EIF4G3: variants seen among roughly 807,000 people sequenced by gnomAD.
EIF4G3 encodes eukaryotic translation initiation factor 4 gamma 3.
EIF4G3 carries 34 observed loss-of-function variants against 186.4 expected under a neutral mutation model. That is an observed-to-expected ratio of 0.18 (90% confidence interval 0.14 to 0.24). EIF4G3 has a LOEUF of 0.24. Among genes scored for constraint, EIF4G3 ranks in the 10% least tolerant of loss-of-function variants. The pLI, the probability that EIF4G3 is intolerant of heterozygous loss-of-function variation, is 1.00. For missense variants in EIF4G3, 1,536 were observed against 1,948.5 expected (o/e 0.79, Z 3.99); for synonymous variants, 673 against 679.5 (o/e 0.99, Z 0.15).
chr1:20,986,930 C>A (rs2079695854), intron 7 of EIF4G3, among the ~76,000 whole-genome samples: 1 of 152,128 alleles, frequency 6.6e-6, no homozygotes, highest in African/African-American at 2.4e-5. Flanking sequence ...ATTATTAATA[C>A]ACCAGAAGGA....
At chr1:21,032,122 G>A (rs1342521124) in intron 4 of EIF4G3, among the ~76,000 whole-genome samples, 2 of 152,042 alleles carry the variant, frequency 1.3e-5, no homozygotes, top group African/African-American at 4.8e-5. Flanking sequence ...AAACCTCCAT[G>A]GACTTCATCT....
intron 4 of EIF4G3, among the ~76,000 whole-genome samples, chr1:21,042,159 G>C (rs1319749936): frequency 6.6e-6 from 1 of 152,026 alleles, no homozygotes; most frequent in Non-Finnish European, 1.5e-5. Context: ...GCTAATTTTT[G>C]TAGAGATGGG....
intron 34 of EIF4G3, among the ~76,000 whole-genome samples, chr1:20,813,989 C>T (rs1350207532): frequency 7.7e-6 from 1 of 129,750 alleles, no homozygotes; most frequent in African/African-American, 3.0e-5. Flanking sequence ...CACTGTCACC[C>T]GGGCTGGAGT....
At chr1:21,053,093 G>A (rs888230909) in intron 3 of EIF4G3, among the ~76,000 whole-genome samples, 2 of 151,540 alleles carry the variant, frequency 1.3e-5, no homozygotes, top group African/African-American at 4.9e-5. Context: ...TCTGGAAAGT[G>A]AGGAGCGTCT....
intron 7 of EIF4G3, among the ~76,000 whole-genome samples, chr1:20,990,029 T>C (rs983950612): frequency 1.3e-5 from 2 of 152,054 alleles, no homozygotes; most frequent in East Asian, 2.0e-4. Flanking sequence ...ATACAAAAAA[T>C]TAGCCAGATG....
chr1:20,911,547 T>G (rs1228763743), intron 14 of EIF4G3, among the ~76,000 whole-genome samples: 1 of 104,972 alleles, frequency 9.5e-6, no homozygotes, highest in Non-Finnish European at 1.7e-5. Context: ...GGTAACAGAC[T>G]GAGACCCTGC....
chr1:21,174,336 A>G (rs1476443890), intron 2 of EIF4G3, among the ~76,000 whole-genome samples: 1 of 152,230 alleles, frequency 6.6e-6, no homozygotes, highest in Non-Finnish European at 1.5e-5. Context: ...AAATGCACTG[A>G]GAAAAAGCAT....
At chr1:20,883,782 A>G (rs1336079693) in intron 19 of EIF4G3, among the ~76,000 whole-genome samples, 1 of 152,192 alleles carries the variant, frequency 6.6e-6, no homozygotes, top group Non-Finnish European at 1.5e-5. Context: ...GCTAATTGAG[A>G]GAACAAGCTG....
intron 3 of EIF4G3, among the ~76,000 whole-genome samples, chr1:21,081,326 G>A (rs750857659): frequency 2.6e-5 from 4 of 152,140 alleles, no homozygotes; most frequent in South Asian, 2.1e-4. Flanking sequence ...CCAGCTACTC[G>A]GGAAGCTGAG....
At chr1:21,060,782 G>GAAAAAAAAAAAAAAAAAA in intron 3 of EIF4G3, among the ~76,000 whole-genome samples, 1 of 117,352 alleles carries the variant, frequency 8.5e-6, no homozygotes, top group Non-Finnish European at 1.7e-5. Context: ...TGTCTCTTAA[G>GAAAAAAAAAAAAAAAAAA]AAAAAAAAAA....
At chr1:20,847,989 G>C (rs1052192528) in intron 29 of EIF4G3, 3 of 374,382 alleles carry the variant, frequency 8.0e-6, no homozygotes, top group African/African-American at 6.4e-5. Context: ...GTTTGTTTGA[G>C]ACAGTCTCAC....
chr1:20,995,480 G>T (rs556691335), intron 7 of EIF4G3, among the ~76,000 whole-genome samples: 1 of 151,752 alleles, frequency 6.6e-6, no homozygotes, highest in African/African-American at 2.4e-5. Flanking sequence ...TCAAGTGATC[G>T]CTTGCCTCAG....
intron 22 of EIF4G3, among the ~76,000 whole-genome samples, chr1:20,863,378 TAAA>T (rs3051243): frequency 2.1e-4 from 22 of 102,492 alleles, no homozygotes; most frequent in African/African-American, 9.0e-4. Flanking sequence ...CTACAAAAAG[TAAA>T]AAAAAAAAAA....
At chr1:21,089,309 T>C in intron 2 of EIF4G3, 96 bp from the exon 3 acceptor site, 1 of 675,142 alleles carries the variant, frequency 1.5e-6, no homozygotes, top group South Asian at 1.6e-5. Context: ...ACCTAAGCAT[T>C]TTCACCCAAT....
At chr1:20,821,256 A>G (rs1335402255) in intron 33 of EIF4G3, among the ~76,000 whole-genome samples, 1 of 152,080 alleles carries the variant, frequency 6.6e-6, no homozygotes, top group African/African-American at 2.4e-5. Context: ...CACAACCCCA[A>G]TCCTTGGAAA....
At chr1:20,934,964 C>T (rs1398871249) in intron 14 of EIF4G3, among the ~76,000 whole-genome samples, 1 of 152,142 alleles carries the variant, frequency 6.6e-6, no homozygotes, top group African/African-American at 2.4e-5. Flanking sequence ...CTTCCTAATA[C>T]ATCACTAGGG....
intron 12 of EIF4G3, among the ~76,000 whole-genome samples, chr1:20,966,694 G>C (rs948620279): frequency 2.6e-5 from 4 of 151,898 alleles, no homozygotes; most frequent in South Asian, 2.1e-4. Flanking sequence ...GGGTGGTTTC[G>C]AACTTCTGAC....
At chr1:21,068,391 A>AAAAACAAAAAAC (rs2095333980) in intron 3 of EIF4G3, among the ~76,000 whole-genome samples, 1 of 149,094 alleles carries the variant, frequency 6.7e-6, no homozygotes, top group Non-Finnish European at 1.5e-5. Context: ...AAAAAAAAAA[A>AAAAACAAAAAAC]AAAAAAAAAC....
chr1:21,083,471 C>T (rs114157923), intron 3 of EIF4G3, among the ~76,000 whole-genome samples: 1,643 of 150,136 alleles, frequency 0.011, 24 homozygotes, highest in African/African-American at 0.038. Context: ...AGCCACCACA[C>T]CCAGCCACAC....
Sources: allele counts gnomAD v4.1 joint callset (sites outside exome capture counted in the v4.1 genomes callset), GRCh38; gene constraint gnomAD v4.1.1; transcripts MANE v1.5; gene names NCBI Gene and HGNC (gene_info 2026-07-23, HGNC 2026-07-21).